WWC2: variants seen among roughly 807,000 people sequenced by gnomAD.
WWC2 encodes WW and C2 domain containing 2.
In WWC2, 101 loss-of-function variants were observed where a neutral mutation model predicts 138.5. That is an observed-to-expected ratio of 0.73 (90% CI 0.62 to 0.86). The LOEUF is 0.86. Ranked by LOEUF, WWC2 falls within the 40% of genes least tolerant of loss-of-function variation. WWC2 has a pLI of 0.00. For synonymous variants in WWC2, 558 were observed against 538.4 expected (o/e 1.04, Z -0.50); for missense variants, 1,420 against 1,419.4 (o/e 1.00, Z -0.01).
intron 1 of WWC2, among the ~76,000 whole-genome samples, chr4:183,149,621 T>TA (rs776141200): frequency 0.16 from 21,334 of 134,486 alleles, 1,889 homozygotes; most frequent in East Asian, 0.28. Context: ...AAACTCTGTC[T>TA]AAAAAAAAAA....
rs368510023 is a variant in WWC2, at chr4:183,157,744, G to A, written c.132-35855G>A. Among the ~76,000 whole-genome samples, 33 of 151,722 alleles carry A rather than the reference G, an allele frequency of 2.2e-4. No individual in the cohort carries two copies. In the South Asian group the frequency reaches 6.9e-3, roughly 32 times the overall value. ...TCTGGATCTCCTGACCTTGTGATCC[G>A]CCTCCCTCTGCCTCCCAAAGTGCTG... On this transcript the variant is annotated intron_variant, in intron 1 of 22. Coordinates refer to ENST00000403733, the MANE Select transcript of WWC2 (RefSeq NM_024949.6).
chr4:183,199,981 T>C (rs1237979348), intron 2 of WWC2, among the ~76,000 whole-genome samples: 1 of 152,248 alleles, frequency 6.6e-6, no homozygotes, highest in African/African-American at 2.4e-5. Flanking sequence ...CACAAATCTA[T>C]TCTGCAAATA....
chr4:183,281,042 C>A, intron 17 of WWC2, 145 bp downstream of exon 17: 1 of 1,233,770 alleles, frequency 8.1e-7, no homozygotes, highest in Non-Finnish European at 1.1e-6. Context: ...AAAAGTCTTT[C>A]CTTGGTCATT....
At chr4:183,176,311 T>A (rs1408298514) in intron 1 of WWC2, among the ~76,000 whole-genome samples, 1 of 152,232 alleles carries the variant, frequency 6.6e-6, no homozygotes, top group Non-Finnish European at 1.5e-5. Flanking sequence ...GAACGTTTCT[T>A]AGTTTTCTCT....
chr4:183,308,975 A>G (rs954624558), intron 21 of WWC2, among the ~76,000 whole-genome samples: 7 of 152,314 alleles, frequency 4.6e-5, no homozygotes, highest in Non-Finnish European at 5.9e-5. Context: ...AAATAAATCA[A>G]AAAAAGATCA....
chr4:183,245,244 A>G lies in WWC2; in HGVS notation c.603-172A>G, dbSNP rs1006700562. On this transcript the variant is annotated intron_variant, in intron 5 of 22. Coordinates refer to ENST00000403733, the MANE Select transcript of WWC2 (RefSeq NM_024949.6). ...TCCATCTAAAAAAAAAAAAAAAAAA[A>G]AAAAAGAGAGAGAAAGGAGGAGAAA... is the stretch of plus-strand genomic sequence containing the variant. Among the ~76,000 whole-genome samples the G allele has an allele frequency of 3.8e-3, 565 of 148,790 alleles. 4 individuals carry two copies. The highest frequency in any genetic ancestry group is 0.014 in the African/African-American group (541 of 38,860).
chr4:183,230,358 TAGA>T (rs1358483936), intron 4 of WWC2, among the ~76,000 whole-genome samples: 2 of 150,806 alleles, frequency 1.3e-5, no homozygotes, highest in African/African-American at 2.5e-5. Context: ...CCAAAGCCAG[TAGA>T]AGAAGATAAA....
chr4:183,257,568 G>A (rs1188875134), intron 9 of WWC2, among the ~76,000 whole-genome samples: 1 of 152,176 alleles, frequency 6.6e-6, no homozygotes, highest in Non-Finnish European at 1.5e-5. Flanking sequence ...GAAGAACCTA[G>A]AGAGACAGGT....
At chr4:183,117,277 A>G (rs567035852) in intron 1 of WWC2, among the ~76,000 whole-genome samples, 4 of 140,850 alleles carry the variant, frequency 2.8e-5, no homozygotes, top group African/African-American at 8.1e-5. Context: ...CTGGAGTGCA[A>G]TGGCGTGATC....
At chr4:183,179,222 C>T (rs1341322682) in intron 1 of WWC2, among the ~76,000 whole-genome samples, 2 of 151,912 alleles carry the variant, frequency 1.3e-5, no homozygotes, top group East Asian at 1.9e-4. Flanking sequence ...CCCCGGTGGT[C>T]GTGGATACTT....
chr4:183,221,937 C>T lies in WWC2; in HGVS notation c.522+12912C>T, dbSNP rs74452325. On this transcript the variant is annotated intron_variant, in intron 4 of 22. Transcript: ENST00000403733. ...TAAATGAAAGCATATACCCATACAA[C>T]GAATTCAGTGTAAATATTTATGAGA... is the stretch of plus-strand genomic sequence containing the variant. 8.6e-3 allele frequency among the ~76,000 whole-genome samples: 1,309 copies of T among 152,218 alleles called. 31 individuals are homozygous for T. Among genetic ancestry groups the T allele is most frequent in the African/African-American group, 0.03 (1,228 of 41,550 alleles).
intron 1 of WWC2, among the ~76,000 whole-genome samples, chr4:183,136,271 C>A (rs867457442): frequency 6.6e-6 from 1 of 151,726 alleles, no homozygotes; most frequent in Non-Finnish European, 1.5e-5. Context: ...ATGGTCTATA[C>A]CTCTTTCATA....
chr4:183,113,084 C>T (rs1376861568), intron 1 of WWC2, among the ~76,000 whole-genome samples: 3 of 151,984 alleles, frequency 2.0e-5, no homozygotes, highest in African/African-American at 4.8e-5. Context: ...ACCAGCCTAG[C>T]CAACATGGCA....
At chr4:183,222,612 CAA>C (rs2111267898) in intron 4 of WWC2, among the ~76,000 whole-genome samples, 1 of 152,104 alleles carries the variant, frequency 6.6e-6, no homozygotes, top group East Asian at 1.9e-4. Flanking sequence ...GGAGGGGGAA[CAA>C]GAGAGAAATT....
intron 1 of WWC2, among the ~76,000 whole-genome samples, chr4:183,150,197 C>G (rs1263350069): frequency 6.6e-6 from 1 of 152,166 alleles, no homozygotes; most frequent in Non-Finnish European, 1.5e-5. Flanking sequence ...ATTTCAGCTG[C>G]CCAGTTTTTG....
At chr4:183,176,086 C>CA (rs1734460693) in intron 1 of WWC2, among the ~76,000 whole-genome samples, 1 of 152,200 alleles carries the variant, frequency 6.6e-6, no homozygotes, top group African/African-American at 2.4e-5. Context: ...GTATAGTTAT[C>CA]AAACATTCCT....
chr4:183,265,291 T>C (rs1213257942), intron 12 of WWC2, among the ~76,000 whole-genome samples, 184 bp downstream of exon 12: 2 of 152,234 alleles, frequency 1.3e-5, no homozygotes, highest in African/African-American at 2.4e-5. Context: ...ATGGAAATTA[T>C]CGATAAACAG....
chr4:183,280,942 T>C, intron 17 of WWC2, 45 bp downstream of exon 17: 1 of 1,529,274 alleles, frequency 6.5e-7, no homozygotes, highest in South Asian at 1.3e-5. Context: ...AAAGATGATG[T>C]GTTTACACGG....
At chr4:183,167,859 A>AT (rs11389702) in intron 1 of WWC2, among the ~76,000 whole-genome samples, 129,026 of 141,572 alleles carry the variant, frequency 0.91, 59,573 homozygotes, top group South Asian at 0.99. Context: ...GAAGTTTGTG[A>AT]TTTTTTTTTT....
Sources: allele counts gnomAD v4.1 joint callset (sites outside exome capture counted in the v4.1 genomes callset), GRCh38; gene constraint gnomAD v4.1.1; transcripts MANE v1.5; gene names NCBI Gene and HGNC (gene_info 2026-07-23, HGNC 2026-07-21).